The following PTK2 variants were observed in gnomAD, a reference collection of about 807,000 sequenced individuals.
PTK2 encodes protein tyrosine kinase 2, also known as focal adhesion kinase 1.
In PTK2, 45 loss-of-function variants were observed where a neutral mutation model predicts 150.1. The observed-to-expected ratio is 0.30, with a 90% CI of 0.24 to 0.38. PTK2 has a LOEUF of 0.38. PTK2 is among the 10% of genes least tolerant of loss of function. The probability of loss-of-function intolerance (pLI) is 1.00; values close to 1 mark genes in which losing one functional copy is unlikely to be tolerated. For missense variants in PTK2, 919 were observed against 1,307.3 expected, an observed-to-expected ratio of 0.70 and a Z score of 4.58; for synonymous variants, 432 against 449.2, an observed-to-expected ratio of 0.96 and a Z score of 0.48.
chr8:140,660,105 A>G (rs2077297154), intron 31 of PTK2, among the ~76,000 whole-genome samples: 1 of 152,144 alleles, frequency 6.6e-6, no homozygotes, highest in African/African-American at 2.4e-5. Flanking sequence ...CAGATCCAGC[A>G]TCTTGTTCCT....
At position 140,975,774 on chromosome 8, in the gene PTK2, C is replaced by T. The variant is rs149049016; in HGVS notation, c.-122+25351G>A. 2.4e-3 allele frequency among the ~76,000 whole-genome samples: 364 copies of T among 152,310 alleles called. 3 individuals are homozygous for T. The highest frequency in any genetic ancestry group is 8.5e-3 in the African/African-American group (352 of 41,570). ...ACTTGCCCTCCAGATTGCCTGAGCA[C>T]GCTAAGAGACAACTGCACACATCAT... On this transcript the variant is annotated intron_variant, in intron 1 of 31. Transcript: ENST00000522684.
intron 21 of PTK2, 28 bp downstream of exon 24, chr8:140,738,990 A>C: frequency 7.1e-7 from 1 of 1,412,984 alleles, no homozygotes; most frequent in Non-Finnish European, 9.5e-7. Flanking sequence ...TAATTTTTAA[A>C]GAATACAAAA....
chr8:140,734,594 T>C, intron 22 of PTK2: 1 of 396,646 alleles, frequency 2.5e-6, no homozygotes, highest in Admixed American at 2.8e-5. Context: ...CTAATGTCCC[T>C]GCGTGCTTCC....
chr8:140,730,803 G>A (rs1315503346), intron 22 of PTK2, among the ~76,000 whole-genome samples: 2 of 151,932 alleles, frequency 1.3e-5, no homozygotes, highest in East Asian at 3.9e-4. Flanking sequence ...TTAAAATAGT[G>A]GTACCAACAC....
intron 26 of PTK2, among the ~76,000 whole-genome samples, chr8:140,695,762 A>G (rs1234191107): frequency 6.6e-5 from 10 of 152,156 alleles, no homozygotes; most frequent in Admixed American, 6.5e-4. Context: ...GCCAAGCCTA[A>G]GTAATCAGAG....
At chr8:140,936,506 C>A (rs2100173678) in intron 1 of PTK2, among the ~76,000 whole-genome samples, 1 of 152,074 alleles carries the variant, frequency 6.6e-6, no homozygotes, top group Non-Finnish European at 1.5e-5. Flanking sequence ...TGGGGGCCTT[C>A]CTGACTCACT....
At chr8:140,977,345 T>G (rs73356566) in intron 1 of PTK2, among the ~76,000 whole-genome samples, 14 of 152,088 alleles carry the variant, frequency 9.2e-5, no homozygotes, top group Admixed American at 8.5e-4. Context: ...GTGTGCAGCA[T>G]GGGCGCGGTA....
chr8:140,678,636 G>A (rs1223880308), intron 27 of PTK2, among the ~76,000 whole-genome samples: 1 of 152,192 alleles, frequency 6.6e-6, no homozygotes, highest in African/African-American at 2.4e-5. Context: ...TTACAGGTGT[G>A]AGCCACTACT....
At chr8:140,923,959 C>G (rs927967725) in intron 2 of PTK2, among the ~76,000 whole-genome samples, 2 of 152,176 alleles carry the variant, frequency 1.3e-5, no homozygotes, top group Non-Finnish European at 2.9e-5. Context: ...TGCACTGATC[C>G]TTCCAAAACA....
chr8:140,713,534 A>G (rs374390266), intron 23 of PTK2, among the ~76,000 whole-genome samples: 7 of 152,336 alleles, frequency 4.6e-5, no homozygotes, highest in East Asian at 3.9e-4. Flanking sequence ...ATATCTTAAC[A>G]TAATTATCAG....
At chr8:140,758,839 G>C (rs1201627509) in intron 16 of PTK2, among the ~76,000 whole-genome samples, 1 of 152,134 alleles carries the variant, frequency 6.6e-6, no homozygotes, top group Non-Finnish European at 1.5e-5. Context: ...GTAACTCCTA[G>C]TCCTGCAAAC....
At chr8:140,735,793 GC>G (rs2100052251) in intron 21 of PTK2, among the ~76,000 whole-genome samples, 1 of 152,108 alleles carries the variant, frequency 6.6e-6, no homozygotes, top group Non-Finnish European at 1.5e-5. Flanking sequence ...ATTTTAATCC[GC>G]CCCACTTTGG....
exon 27 of PTK2, chr8:140,686,687 T>C: frequency 6.2e-7 from 1 of 1,613,478 alleles, no homozygotes; most frequent in Non-Finnish European, 8.5e-7. Context: ...GAGTCTCACA[T>C]CAGGTTTCTG....
At chr8:140,916,812 T>C (rs1050652018) in intron 2 of PTK2, among the ~76,000 whole-genome samples, 3 of 152,246 alleles carry the variant, frequency 2.0e-5, no homozygotes, top group Admixed American at 1.3e-4. Flanking sequence ...AGATTCCCAC[T>C]GTTCAGAATC....
intron 1 of PTK2, among the ~76,000 whole-genome samples, chr8:140,928,073 G>A (rs1276556655): frequency 1.5e-5 from 2 of 137,580 alleles, no homozygotes; most frequent in African/African-American, 5.5e-5. Context: ...ACATAAATAA[G>A]ACAGCTTTTC....
intron 22 of PTK2, among the ~76,000 whole-genome samples, chr8:140,728,502 A>C (rs1023999977): frequency 3.9e-5 from 6 of 152,170 alleles, no homozygotes; most frequent in Non-Finnish European, 8.8e-5. Flanking sequence ...TACCATGAGC[A>C]ATGGACATGG....
chr8:140,846,189 T>C, intron 7 of PTK2, 71 bp downstream of exon 7: 2 of 1,268,880 alleles, frequency 1.6e-6, no homozygotes, highest in African/African-American at 3.0e-5. Flanking sequence ...AGAATCAGTA[T>C]TTAATTTTAA....
At chr8:140,919,689 T>C (rs1302534221) in intron 2 of PTK2, among the ~76,000 whole-genome samples, 1 of 152,202 alleles carries the variant, frequency 6.6e-6, no homozygotes, top group East Asian at 1.9e-4. Context: ...TATACATTTC[T>C]GATGCTCAGA....
At chr8:140,855,305 G>A (rs12335178) in intron 5 of PTK2, among the ~76,000 whole-genome samples, 1 of 151,126 alleles carries the variant, frequency 6.6e-6, no homozygotes, top group African/African-American at 2.4e-5. Flanking sequence ...TAAAAAAAAA[G>A]GGGGGGGTCG....
Sources: gnomAD v4.1 joint callset for allele counts (sites outside exome capture counted in the v4.1 genomes callset) on GRCh38, gnomAD v4.1.1 for gene constraint, MANE v1.5 for transcripts, NCBI Gene and HGNC (gene_info 2026-07-23, HGNC 2026-07-21) for gene names.